Variants in MICU3 observed in about 807,000 individuals in gnomAD.
MICU3 encodes mitochondrial calcium uptake 3.
MICU3 carries 62 observed loss-of-function variants against 66.5 expected under a neutral mutation model. The ratio of observed to expected loss-of-function variants is 0.93; its 90% CI spans 0.76 to 1.15. The LOEUF is 1.15. MICU3 is among the 50% of genes most tolerant of loss of function. MICU3 has a pLI of 0.00. For missense variants in MICU3, 779 were observed against 664.4 expected, an observed-to-expected ratio of 1.17 and a Z score of -1.90; for synonymous variants, 308 against 240.7, an observed-to-expected ratio of 1.28 and a Z score of -2.59.
chr8:17,114,050 TTTGGCAATACTA>T, intron 11 of MICU3, 31 bp from the exon 12 acceptor site: 1 of 1,136,416 alleles, frequency 8.8e-7, no homozygotes, highest in Non-Finnish European at 1.2e-6. Context: ...TTTTAATAAA[TTTGGCAATACTA>T]AATGTATTTT....
intron 1 of MICU3, among the ~76,000 whole-genome samples, chr8:17,035,964 A>G (rs1359384779): frequency 6.6e-6 from 1 of 152,150 alleles, no homozygotes; most frequent in Non-Finnish European, 1.5e-5. Flanking sequence ...GGAGGAAAAA[A>G]TGGTTTTATG....
At chr8:17,112,349 A>G (rs1389371265) in intron 11 of MICU3, among the ~76,000 whole-genome samples, 1 of 152,160 alleles carries the variant, frequency 6.6e-6, no homozygotes, top group Non-Finnish European at 1.5e-5. Context: ...CTAACAGTTA[A>G]GACAAGTTCC....
downstream of MICU3, among the ~76,000 whole-genome samples, chr8:17,126,556 G>A (rs552910260): frequency 5.3e-5 from 8 of 152,256 alleles, no homozygotes; most frequent in Admixed American, 5.2e-4. Context: ...GAAGATGGGG[G>A]CGTGGTTATA....
chr8:17,044,268 G>A (rs572409255), intron 1 of MICU3, among the ~76,000 whole-genome samples: 113 of 152,280 alleles, frequency 7.4e-4, no homozygotes, highest in Middle Eastern at 6.8e-3. Context: ...AGTTACCCAG[G>A]TAGTAGGAGG....
downstream of MICU3, among the ~76,000 whole-genome samples, chr8:17,125,129 G>GCCTGTAA (rs143443646): frequency 1.3e-3 from 189 of 150,856 alleles, no homozygotes; most frequent in Non-Finnish European, 2.0e-3. Context: ...TCTCCTATGA[G>GCCTGTAA]TATAGCCTGT....
intron 1 of MICU3, among the ~76,000 whole-genome samples, chr8:17,032,095 G>A (rs1812181252): frequency 1.3e-5 from 2 of 152,312 alleles, no homozygotes; most frequent in Non-Finnish European, 2.9e-5. Context: ...CATACACTGA[G>A]AAATGAGTTT....
intron 3 of MICU3, among the ~76,000 whole-genome samples, chr8:17,073,357 G>T (rs1385983566): frequency 1.3e-5 from 2 of 151,950 alleles, no homozygotes; most frequent in African/African-American, 4.8e-5. Flanking sequence ...TCTCATAGGA[G>T]CCCAAACCCT....
At chr8:17,084,804 T>TA (rs1286479079) in intron 5 of MICU3, among the ~76,000 whole-genome samples, 1 of 152,146 alleles carries the variant, frequency 6.6e-6, no homozygotes, top group African/African-American at 2.4e-5. Flanking sequence ...TATAATGTCT[T>TA]ATGCTTGACA....
chr8:17,101,039 C>T (rs755771800), intron 9 of MICU3, among the ~76,000 whole-genome samples: 1 of 151,686 alleles, frequency 6.6e-6, no homozygotes, highest in South Asian at 2.1e-4. Flanking sequence ...TTCGATACCT[C>T]GTAGGGTTAT....
At chr8:17,044,275 G>A (rs1814694642) in intron 1 of MICU3, among the ~76,000 whole-genome samples, 1 of 152,188 alleles carries the variant, frequency 6.6e-6, no homozygotes, top group Non-Finnish European at 1.5e-5. Flanking sequence ...CAGGTAGTAG[G>A]AGGCTGTTGT....
intron 1 of MICU3, among the ~76,000 whole-genome samples, chr8:17,035,615 A>G (rs1249300747): frequency 1.3e-5 from 2 of 152,176 alleles, no homozygotes; most frequent in Admixed American, 1.3e-4. Context: ...GAGAGAGATA[A>G]TTTTGGCTAT....
At chr8:17,105,376 T>TTTATC in intron 10 of MICU3, 37 bp from the exon 11 acceptor site, 1 of 1,301,818 alleles carries the variant, frequency 7.7e-7, no homozygotes, top group South Asian at 1.4e-5. Flanking sequence ...TTACTCTTTC[T>TTTATC]TTATCTTTTT....
chr8:17,056,317 G>A (rs1816922561), intron 1 of MICU3, among the ~76,000 whole-genome samples: 1 of 152,106 alleles, frequency 6.6e-6, no homozygotes, highest in Non-Finnish European at 1.5e-5. Flanking sequence ...TCCTGGCTGA[G>A]GTTCATAGTC....
At chr8:17,127,961 T>A in the MICU3 span, among the ~76,000 whole-genome samples, 3 of 152,122 alleles carry the variant, frequency 2.0e-5, no homozygotes, top group Non-Finnish European at 4.4e-5. Flanking sequence ...AGAGCCTGAA[T>A]TGGACTTGCT....
chr8:17,086,840 G>A (rs1159067170), intron 6 of MICU3, 124 bp from the exon 7 acceptor site: 1 of 657,098 alleles, frequency 1.5e-6, no homozygotes, highest in East Asian at 2.9e-5. Flanking sequence ...ATCTATAGCA[G>A]TTTAAATGTT....
Position 17,118,268 on chromosome 8 carries a change from T to C in MICU3, c.1525-439T>C, listed in dbSNP as rs576135674. Among the ~76,000 whole-genome samples, 46 of 152,308 alleles carry C rather than the reference T, an allele frequency of 3.0e-4. 1 individual carries two copies. The highest frequency in any genetic ancestry group is 1.1e-3 in the African/African-American group (44 of 41,562). ...AGCATTTTATTTACATTTGCCCTTT[T>C]TTTAATTTTTATTTTTAATCAACAG... On this transcript the variant is annotated intron_variant, in intron 13 of 14. Coordinates refer to ENST00000318063, the MANE Select transcript of MICU3 (RefSeq NM_181723.3).
chr8:17,066,280 TTC>T (rs1818662038), intron 2 of MICU3, among the ~76,000 whole-genome samples: 1 of 151,592 alleles, frequency 6.6e-6, no homozygotes, highest in Non-Finnish European at 1.5e-5. Context: ...TAAGGTTCTT[TTC>T]TGTGTGCTAA....
intron 1 of MICU3, among the ~76,000 whole-genome samples, chr8:17,035,652 A>T (rs1585162046): frequency 6.6e-6 from 1 of 152,194 alleles, no homozygotes; most frequent in South Asian, 2.1e-4. Context: ...TTAAGCAGCA[A>T]AGTGTTCAAG....
chr8:17,076,169 A>G (rs1023143884), intron 3 of MICU3, among the ~76,000 whole-genome samples: 1 of 152,030 alleles, frequency 6.6e-6, no homozygotes, highest in Admixed American at 6.6e-5. Flanking sequence ...CTGGGACTAT[A>G]GATGAACGCC....
Sources: gnomAD v4.1 joint callset for allele counts (sites outside exome capture counted in the v4.1 genomes callset) on GRCh38, gnomAD v4.1.1 for gene constraint, MANE v1.5 for transcripts, NCBI Gene and HGNC (gene_info 2026-07-23, HGNC 2026-07-21) for gene names.